Variants in EYS observed in about 807,000 individuals in gnomAD.
EYS encodes the protein EGF-like photoreceptor maintenance factor, also known as protein eyes shut homolog.
In EYS, 250 loss-of-function variants were observed where a neutral mutation model predicts 282.1. That is an observed-to-expected ratio of 0.89 (90% CI 0.80 to 0.98). The LOEUF (loss-of-function observed/expected upper bound fraction) is 0.98, where lower values mean the gene tolerates loss of function less well. Among genes scored for constraint, EYS ranks in the 50% least tolerant of loss-of-function variants. EYS has a pLI of 0.00. For missense variants in EYS, 4,016 were observed against 3,709.0 expected (o/e 1.08, Z -2.15); for synonymous variants, 1,355 against 1,282.9 (o/e 1.06, Z -1.20).
intron 22 of EYS, among the ~76,000 whole-genome samples, chr6:64,648,305 C>T (rs1358012780): frequency 1.3e-5 from 2 of 152,132 alleles, no homozygotes; most frequent in Non-Finnish European, 2.9e-5. Context: ...ACCATAGACT[C>T]CCAGAAAAAG....
intron 22 of EYS, among the ~76,000 whole-genome samples, chr6:64,730,211 A>C (rs1319355302): frequency 6.6e-6 from 1 of 152,224 alleles, no homozygotes; most frequent in Non-Finnish European, 1.5e-5. Context: ...GATTTCAAAC[A>C]AAGCTTTGGC....
At chr6:65,372,146 GATAAA>G (rs1221695653) in intron 8 of EYS, among the ~76,000 whole-genome samples, 1 of 151,678 alleles carries the variant, frequency 6.6e-6, no homozygotes, top group Non-Finnish European at 1.5e-5. Context: ...AAAAAAATAA[GATAAA>G]ACATAAACAG....
At chr6:64,437,163 TA>T (rs1774778337) in intron 27 of EYS, among the ~76,000 whole-genome samples, 1 of 151,758 alleles carries the variant, frequency 6.6e-6, no homozygotes, top group Non-Finnish European at 1.5e-5. Context: ...CAGTTGACTT[TA>T]AAAACTCCAA....
chr6:64,164,479 A>G (rs935080909), intron 31 of EYS, among the ~76,000 whole-genome samples: 2 of 152,116 alleles, frequency 1.3e-5, no homozygotes, highest in Non-Finnish European at 2.9e-5. Flanking sequence ...ATATGCTTAA[A>G]TCGTACTGGT....
In EYS at chr6:65,220,815, C is replaced by T. The variant is rs147016864; in HGVS notation, c.2023+75048G>A. Among the ~76,000 whole-genome samples the T allele has an allele frequency of 4.3e-3, 655 of 152,166 alleles. 2 individuals are homozygous for T. Among genetic ancestry groups the T allele is most frequent in the African/African-American group, 0.014 (601 of 41,524 alleles). On this transcript the variant is annotated intron_variant, in intron 12 of 42. Coordinates refer to ENST00000503581, the MANE Select transcript of EYS (RefSeq NM_001142800.2). ...TTGTGGAATGGTTTTGACCAAAATGCTGACAGTGATATGGACAATAAAGTA... is the reference window on the plus strand; with the variant it reads ...TTGTGGAATGGTTTTGACCAAAATGTTGACAGTGATATGGACAATAAAGTA...
At chr6:65,536,362 C>A (rs1767964515) in intron 2 of EYS, among the ~76,000 whole-genome samples, 3 of 149,522 alleles carry the variant, frequency 2.0e-5, no homozygotes, top group Non-Finnish European at 1.5e-5. Flanking sequence ...AATAAAGTGT[C>A]TTGAAAAACA....
chr6:65,297,826 C>G (rs895327436), intron 11 of EYS, among the ~76,000 whole-genome samples: 40 of 152,044 alleles, frequency 2.6e-4, no homozygotes, highest in African/African-American at 9.4e-4. Context: ...TAGGTAAATT[C>G]AAAACAACTG....
At chr6:64,401,729 A>G (rs961985654) in intron 28 of EYS, among the ~76,000 whole-genome samples, 4 of 152,118 alleles carry the variant, frequency 2.6e-5, no homozygotes, top group Non-Finnish European at 5.9e-5. Context: ...GATATAGTGG[A>G]TATTTCTGTT....
rs769167992 is a variant in EYS at position 65,707,208 on chromosome 6, G to A, written c.-521C>T. ...CGGTTAATGTCTGGACATGCCTAGCGTGTATCACTTTGTTTCTCAGAAGCC... is the reference window on the plus strand; with the variant it reads ...CGGTTAATGTCTGGACATGCCTAGCATGTATCACTTTGTTTCTCAGAAGCC... On this transcript the variant is annotated 5_prime_UTR_variant, in exon 1 of 43. In the 5' UTR this introduces an upstream ATG that the reference lacks. Coordinates refer to ENST00000503581, the MANE Select transcript of EYS (RefSeq NM_001142800.2). 3.2e-4 allele frequency: 48 copies of A among 152,190 alleles called. 1 individual carries two copies. Among genetic ancestry groups the A allele is most frequent in the Non-Finnish European group, 8.8e-5 (6 of 67,996 alleles). The allele number at this position is 152,190 out of a possible 1,614,324, so 9.4% of individuals were successfully genotyped here. A position where few individuals can be genotyped will look rare whatever the true frequency, so the allele number is the denominator to read the frequency against.
intron 22 of EYS, among the ~76,000 whole-genome samples, chr6:64,770,973 A>G (rs781300597): frequency 6.6e-6 from 1 of 151,872 alleles, no homozygotes; most frequent in East Asian, 1.9e-4. Flanking sequence ...CCAAATTGCC[A>G]AATACAATTG....
chr6:63,773,653 G>A (rs1769990346), intron 40 of EYS, among the ~76,000 whole-genome samples: 1 of 152,214 alleles, frequency 6.6e-6, no homozygotes, highest in Non-Finnish European at 1.5e-5. Flanking sequence ...AGGATTTTAG[G>A]AAGATTCAAC....
chr6:63,841,766 C>T (rs1359254422), intron 36 of EYS, among the ~76,000 whole-genome samples: 12 of 152,098 alleles, frequency 7.9e-5, no homozygotes, highest in Admixed American at 2.6e-4. Context: ...CTTTGCCCCC[C>T]GCCACCCAAC....
chr6:64,636,931 CA>C (rs1004781685), intron 22 of EYS, among the ~76,000 whole-genome samples: 2 of 135,694 alleles, frequency 1.5e-5, no homozygotes, highest in African/African-American at 5.6e-5. Context: ...ATTAAAAAGT[CA>C]GGAAACAACA....
intron 7 of EYS, among the ~76,000 whole-genome samples, chr6:65,396,657 G>A (rs1221007781): frequency 6.6e-6 from 1 of 152,066 alleles, no homozygotes. Flanking sequence ...ATTGTAGGCT[G>A]AACTTACTTT....
intron 33 of EYS, among the ~76,000 whole-genome samples, chr6:64,050,140 G>A (rs1477388684): frequency 6.6e-6 from 1 of 152,112 alleles, no homozygotes; most frequent in Non-Finnish European, 1.5e-5. Flanking sequence ...CTTTAACAGA[G>A]ATATATTTAT....
intron 35 of EYS, among the ~76,000 whole-genome samples, chr6:63,978,738 TC>T (rs1229582415): frequency 8.5e-5 from 13 of 152,080 alleles, no homozygotes; most frequent in Non-Finnish European, 1.9e-4. Flanking sequence ...TGATATCCTG[TC>T]TTTATGCTGT....
chr6:64,451,670 C>A (rs1185579951), intron 26 of EYS, among the ~76,000 whole-genome samples: 2 of 152,062 alleles, frequency 1.3e-5, no homozygotes, highest in Non-Finnish European at 2.9e-5. Context: ...CATGATCAAG[C>A]GGGCTTCATC....
intron 2 of EYS, among the ~76,000 whole-genome samples, chr6:65,591,350 C>CTGTG (rs147315659): frequency 6.6e-6 from 1 of 150,568 alleles, no homozygotes; most frequent in Non-Finnish European, 1.5e-5. Flanking sequence ...TATACTTAAT[C>CTGTG]TGTGTGTGTG....
At chr6:65,403,657 T>C (rs953106374) in intron 6 of EYS, among the ~76,000 whole-genome samples, 1 of 151,908 alleles carries the variant, frequency 6.6e-6, no homozygotes, top group Non-Finnish European at 1.5e-5. Context: ...TACAAAATAA[T>C]TCTTCTAATG....
Sources: allele counts gnomAD v4.1 joint callset (sites outside exome capture counted in the v4.1 genomes callset), GRCh38; gene constraint gnomAD v4.1.1; transcripts MANE v1.5; gene names NCBI Gene and HGNC (gene_info 2026-07-23, HGNC 2026-07-21).